The following MTREX variants were observed in gnomAD, a reference collection of about 807,000 sequenced individuals.
MTREX encodes the protein Mtr4 exosome RNA helicase, also known as exosome RNA helicase MTR4.
Under a neutral mutation model 135.4 loss-of-function variants are expected in MTREX, and 76 were observed. The observed-to-expected ratio is 0.56, with a 90% CI of 0.47 to 0.68. MTREX has a LOEUF of 0.68. Among genes scored for constraint, MTREX ranks in the 30% least tolerant of loss-of-function variants. MTREX has a pLI of 0.00. For missense variants in MTREX, 920 were observed against 1,262.1 expected (o/e 0.73, Z 4.11); for synonymous variants, 404 against 401.6 (o/e 1.01, Z -0.07).
At chr5:55,420,206 G>A (rs568532484) in intron 25 of MTREX, among the ~76,000 whole-genome samples, 12 of 151,740 alleles carry the variant, frequency 7.9e-5, no homozygotes, top group Admixed American at 7.2e-4. Context: ...TCTAACCTGA[G>A]GCCAGGCTGG....
chr5:55,403,177 G>A (rs1750750887), intron 21 of MTREX, among the ~76,000 whole-genome samples: 1 of 151,774 alleles, frequency 6.6e-6, no homozygotes, highest in Non-Finnish European at 1.5e-5. Flanking sequence ...CTCCAGCCTG[G>A]GTGACAGAGT....
intron 25 of MTREX, among the ~76,000 whole-genome samples, chr5:55,419,536 AT>A (rs1163603755): frequency 6.6e-6 from 1 of 152,178 alleles, no homozygotes; most frequent in Non-Finnish European, 1.5e-5. Flanking sequence ...GCTGTTTTTT[AT>A]TTCCATTAAA....
At chr5:55,312,744 G>A (rs1409212043) in intron 1 of MTREX, among the ~76,000 whole-genome samples, 1 of 152,120 alleles carries the variant, frequency 6.6e-6, no homozygotes, top group African/African-American at 2.4e-5. Flanking sequence ...AGTTGTTTCT[G>A]TTACGTTTTC....
At chr5:55,350,797 A>T in intron 12 of MTREX, 122 bp from the exon 13 acceptor site, 1 of 824,282 alleles carries the variant, frequency 1.2e-6, no homozygotes, top group Non-Finnish European at 1.9e-6. Flanking sequence ...TTTATTCTGG[A>T]AAGATTTTAT....
intron 1 of MTREX, among the ~76,000 whole-genome samples, chr5:55,309,696 GTTT>G (rs987178097): frequency 2.0e-5 from 3 of 152,178 alleles, no homozygotes; most frequent in African/African-American, 7.2e-5. Context: ...CCACTGGGTA[GTTT>G]TAATAGGGTT....
chr5:55,380,980 TG>T (rs1354049550), intron 18 of MTREX, among the ~76,000 whole-genome samples: 1 of 152,236 alleles, frequency 6.6e-6, no homozygotes, highest in Admixed American at 6.5e-5. Context: ...CTCTTCTTTA[TG>T]GGTACTTTAC....
intron 10 of MTREX, among the ~76,000 whole-genome samples, chr5:55,345,488 G>A (rs1373608212): frequency 6.6e-6 from 1 of 151,890 alleles, no homozygotes. Flanking sequence ...AAGAAACCCT[G>A]TACACATTAA....
chr5:55,360,679 T>C (rs778648352), intron 15 of MTREX, among the ~76,000 whole-genome samples: 14 of 152,224 alleles, frequency 9.2e-5, no homozygotes, highest in Non-Finnish European at 1.9e-4. Flanking sequence ...ACTTTGAATA[T>C]TATACAGTTT....
intron 23 of MTREX, among the ~76,000 whole-genome samples, chr5:55,411,513 G>A (rs1750883859): frequency 6.6e-6 from 1 of 151,984 alleles, no homozygotes; most frequent in African/African-American, 2.4e-5. Context: ...TGTATTCAGT[G>A]AAACCACACT....
chr5:55,332,976 T>G (rs1749501212), intron 5 of MTREX, among the ~76,000 whole-genome samples: 1 of 152,146 alleles, frequency 6.6e-6, no homozygotes, highest in Non-Finnish European at 1.5e-5. Flanking sequence ...AGATTTGTTT[T>G]TATTGATTTT....
intron 3 of MTREX, chr5:55,324,619 T>G (rs563718009): frequency 6.6e-6 from 1 of 151,584 alleles, no homozygotes; most frequent in East Asian, 1.9e-4. Context: ...GGCTAATTTT[T>G]GTATTTTTAG....
chr5:55,394,314 C>T (rs943136779), intron 19 of MTREX, among the ~76,000 whole-genome samples: 2 of 152,224 alleles, frequency 1.3e-5, no homozygotes, highest in African/African-American at 4.8e-5. Flanking sequence ...CCAAACAGTG[C>T]ATCAACTGCT....
chr5:55,359,398 A>C (rs1420359563), intron 15 of MTREX, among the ~76,000 whole-genome samples: 1 of 152,204 alleles, frequency 6.6e-6, no homozygotes, highest in African/African-American at 2.4e-5. Context: ...TAGCTACTTC[A>C]AAACATGTTA....
At chr5:55,323,986 A>G (rs1002654710) in intron 2 of MTREX, 146 bp from the exon 3 acceptor site, 11 of 601,974 alleles carry the variant, frequency 1.8e-5, no homozygotes, top group South Asian at 6.2e-5. Flanking sequence ...AAACATTTCT[A>G]TGTATTCTTA....
At chr5:55,402,822 A>ATGTG (rs147629671) in intron 21 of MTREX, among the ~76,000 whole-genome samples, 88,873 of 143,374 alleles carry the variant, frequency 0.62, 27,830 homozygotes, top group Non-Finnish European at 0.68. Context: ...AGCACATTAT[A>ATGTG]TGTGTGTGTG....
chr5:55,341,705 G>A lies in MTREX; in HGVS notation c.715G>A (p.Gly239Ser). The A allele has an allele frequency of 1.3e-6, 2 of 1,593,016 alleles. No homozygotes were observed. Among genetic ancestry groups the A allele is most frequent in the Non-Finnish European group, 1.7e-6 (2 of 1,164,424 alleles). The part of the protein sequence containing the change: ...TEILRSMLYR[G>S]SEVMREVAWV... Reference sequence around the variant, plus strand: ...GATTTTGAGAAGTATGCTTTACAGAGGTTCCGAAGTTATGAGAGAAGTTGC... The same window carrying A: ...GATTTTGAGAAGTATGCTTTACAGAAGTTCCGAAGTTATGAGAGAAGTTGC... The change falls in exon 7 of 27, where the codon GGT (glycine) becomes AGT (serine). Residue 239 changes from glycine (G) to serine (S), a missense_variant. Physicochemically the swap from Gly to Ser is moderately conservative, Grantham distance 56 (BLOSUM62 0). This residue lies in a region of MTREX where 88 missense variants were observed against 202.5 expected (regional missense o/e 0.43). Coordinates refer to ENST00000230640, the MANE Select transcript of MTREX (RefSeq NM_015360.5).
intron 16 of MTREX, among the ~76,000 whole-genome samples, chr5:55,371,392 T>C (rs1302238657): frequency 6.6e-6 from 1 of 152,214 alleles, no homozygotes; most frequent in African/African-American, 2.4e-5. Context: ...TGTTATACAC[T>C]ATATTATATA....
rs761003943 is a variant in MTREX at position 55,425,225 on chromosome 5, G to A, written c.*453G>A. 1.7e-4 allele frequency: 274 copies of A among 1,613,656 alleles called. No homozygotes were observed. The highest frequency in any genetic ancestry group is 2.1e-4 in the Non-Finnish European group (251 of 1,179,910). Reference sequence around the variant, plus strand: ...TGCCTTTCAAGGCTGGTGATTGCTCGGATAGTGATTCCCAGTTGTTGGTGT... The same window carrying A: ...TGCCTTTCAAGGCTGGTGATTGCTCAGATAGTGATTCCCAGTTGTTGGTGT... On this transcript the variant is annotated 3_prime_UTR_variant, in exon 27 of 27. Coordinates refer to ENST00000230640, the MANE Select transcript of MTREX (RefSeq NM_015360.5).
intron 19 of MTREX, among the ~76,000 whole-genome samples, chr5:55,391,908 C>G (rs1459063675): frequency 6.6e-6 from 1 of 152,196 alleles, no homozygotes; most frequent in African/African-American, 2.4e-5. Flanking sequence ...TCTGGAAGGT[C>G]AGGACTTAAA....
Sources: allele counts gnomAD v4.1 joint callset (sites outside exome capture counted in the v4.1 genomes callset), GRCh38; gene constraint gnomAD v4.1.1; regional missense constraint gnomAD v4.1.1; transcripts MANE v1.5; gene names NCBI Gene and HGNC (gene_info 2026-07-23, HGNC 2026-07-21).